The following RMDN2 variants were observed in gnomAD, a reference collection of about 807,000 sequenced individuals.
RMDN2 encodes regulator of microtubule dynamics 2.
Under a neutral mutation model 52.8 loss-of-function variants are expected in RMDN2, and 61 were observed. The observed-to-expected ratio is 1.16, with a 90% CI of 0.94 to 1.43. The LOEUF (loss-of-function observed/expected upper bound fraction) is 1.43. Ranked by LOEUF, RMDN2 falls within the 40% of genes most tolerant of loss-of-function variation. RMDN2 has a pLI of 0.00. For missense variants in RMDN2, 592 were observed against 475.3 expected (o/e 1.25, Z -2.28); for synonymous variants, 180 against 153.1 (o/e 1.18, Z -1.30).
At chr2:37,983,451 C>A (rs1159189534) in intron 5 of RMDN2, among the ~76,000 whole-genome samples, 1 of 152,078 alleles carries the variant, frequency 6.6e-6, no homozygotes, top group East Asian at 1.9e-4. Flanking sequence ...GCATTTAACC[C>A]CAGTATTAAA....
At chr2:38,036,749 AAC>A (rs1680610042) in intron 10 of RMDN2, 1 of 152,290 alleles carries the variant, frequency 6.6e-6, no homozygotes, top group African/African-American at 2.4e-5. Context: ...GTCTGATGAT[AAC>A]ACATACAGAG....
chr2:37,992,824 C>T (rs576389423), intron 7 of RMDN2, among the ~76,000 whole-genome samples: 5 of 152,290 alleles, frequency 3.3e-5, no homozygotes, highest in African/African-American at 9.6e-5. Context: ...TTCAAAAACC[C>T]TATAAGGTTA....
intron 10 of RMDN2, among the ~76,000 whole-genome samples, chr2:38,040,407 T>G (rs191563745): frequency 1.3e-5 from 2 of 152,212 alleles, no homozygotes; most frequent in Non-Finnish European, 1.5e-5. Context: ...GGTTCTACTG[T>G]CATGAATAGG....
At chr2:37,963,924 GGGCGGCGGCCA>G (rs1252960474) in intron 2 of RMDN2, among the ~76,000 whole-genome samples, 1 of 149,164 alleles carries the variant, frequency 6.7e-6, no homozygotes, top group Non-Finnish European at 1.5e-5. Flanking sequence ...CTCCCGGACG[GGGCGGCGGCCA>G]GGCGGAGGTG....
intron 2 of RMDN2, among the ~76,000 whole-genome samples, chr2:37,954,641 C>T (rs925982859): frequency 2.6e-4 from 40 of 152,156 alleles, no homozygotes; most frequent in African/African-American, 8.9e-4. Flanking sequence ...GGTGTGAGAC[C>T]TCCAACTTTG....
At chr2:38,020,073 C>T (rs1415400000), downstream of RMDN2, among the ~76,000 whole-genome samples, 1 of 152,132 alleles carries the variant, frequency 6.6e-6, no homozygotes, top group African/African-American at 2.4e-5. Context: ...GGTCCCCAAC[C>T]TTTTTTGGCA....
At chr2:38,046,816 C>T (rs1460556161) in intron 10 of RMDN2, among the ~76,000 whole-genome samples, 2 of 152,104 alleles carry the variant, frequency 1.3e-5, no homozygotes, top group African/African-American at 4.8e-5. Context: ...AACCCCGTCT[C>T]TACGAAAAAT....
intron 4 of RMDN2, among the ~76,000 whole-genome samples, chr2:37,980,542 G>A (rs1440857470): frequency 6.6e-6 from 1 of 152,140 alleles, no homozygotes; most frequent in Non-Finnish European, 1.5e-5. Flanking sequence ...GACCTCAGGT[G>A]ATCCACCTGC....
intron 2 of RMDN2, chr2:37,951,889 C>A (rs1430815287): frequency 6.2e-7 from 1 of 1,613,196 alleles, no homozygotes; most frequent in Non-Finnish European, 8.5e-7. Context: ...ATTTCCTCTC[C>A]CGATCAACAA....
intron 2 of RMDN2, among the ~76,000 whole-genome samples, chr2:37,963,625 G>T (rs1239937779): frequency 0.06 from 5,443 of 91,100 alleles, no homozygotes; most frequent in Non-Finnish European, 0.069. Context: ...AGAGAGCACA[G>T]GGTTGGGGGC....
chr2:38,014,497 T>G (rs888816930), intron 10 of RMDN2, among the ~76,000 whole-genome samples: 1 of 152,240 alleles, frequency 6.6e-6, no homozygotes, highest in African/African-American at 2.4e-5. Flanking sequence ...TAATTGATGA[T>G]ACAGCATCAG....
intron 7 of RMDN2, 123 bp from the exon 8 acceptor site, chr2:37,997,293 A>G (rs1445578293): frequency 3.0e-6 from 2 of 673,778 alleles, no homozygotes; most frequent in African/African-American, 3.7e-5. Context: ...TTTCATTTGT[A>G]TATGTTATAT....
intron 2 of RMDN2, among the ~76,000 whole-genome samples, chr2:37,931,201 G>C (rs1416075410): frequency 6.6e-6 from 1 of 152,108 alleles, no homozygotes; most frequent in East Asian, 1.9e-4. Flanking sequence ...AAATTATTGA[G>C]AGTCATTGTT....
At chr2:38,006,311 G>A (rs1049106750) in intron 10 of RMDN2, among the ~76,000 whole-genome samples, 69 of 152,204 alleles carry the variant, frequency 4.5e-4, no homozygotes, top group African/African-American at 1.5e-3. Flanking sequence ...CCATTTTCAC[G>A]ATATTGATTC....
chr2:38,037,918 C>T lies in RMDN2; in HGVS notation c.1714-29064C>T, dbSNP rs570725642. ...TGCGTGAGCTGAGTCACATCCAGATCGTTCAGTATGAGAATTTTAAGAGAA... is the reference window on the plus strand; with the variant it reads ...TGCGTGAGCTGAGTCACATCCAGATTGTTCAGTATGAGAATTTTAAGAGAA... On this transcript the variant is annotated intron_variant, in intron 10 of 10. Transcript: ENST00000234195. Among the ~76,000 whole-genome samples, 63 of 152,272 alleles carry T rather than the reference C, an allele frequency of 4.1e-4. 1 individual carries two copies. The highest frequency in any genetic ancestry group is 2.5e-3 in the South Asian group (12 of 4,824).
upstream of RMDN2, among the ~76,000 whole-genome samples, chr2:37,923,774 C>T (rs574348701): frequency 1.3e-5 from 2 of 152,290 alleles, no homozygotes; most frequent in South Asian, 4.1e-4. Flanking sequence ...TTTTTTGAGA[C>T]AGAGTCTCAT....
At chr2:38,062,011 G>A (rs964372552) in intron 10 of RMDN2, among the ~76,000 whole-genome samples, 10 of 152,150 alleles carry the variant, frequency 6.6e-5, no homozygotes, top group African/African-American at 1.9e-4. Context: ...TTGCCATCTC[G>A]TTTCCTTGTC....
At position 37,976,731 on chromosome 2, in the gene RMDN2, A is replaced by C. The variant is rs184744205; in HGVS notation, c.730+1417A>C. The stretch of plus-strand genomic sequence containing the variant: ...ATGTATTAATTTCAACATAAATAAA[A>C]ACTTAACCAAGGAGAACAAGGGGAT... On this transcript the variant is annotated intron_variant, in intron 4 of 10. Transcript: ENST00000354545. Among the ~76,000 whole-genome samples, 290 of 152,314 alleles carry C rather than the reference A, an allele frequency of 1.9e-3. 2 individuals are homozygous for C. Among genetic ancestry groups the C allele is most frequent in the African/African-American group, 6.6e-3 (276 of 41,564 alleles).
intron 8 of RMDN2, among the ~76,000 whole-genome samples, chr2:37,999,955 A>G (rs2125172949): frequency 6.6e-6 from 1 of 152,302 alleles, no homozygotes; most frequent in Non-Finnish European, 1.5e-5. Flanking sequence ...TGGCCATAAT[A>G]ATACCTACTT....
Sources: gnomAD v4.1 joint callset for allele counts (sites outside exome capture counted in the v4.1 genomes callset) on GRCh38, gnomAD v4.1.1 for gene constraint, MANE v1.5 for transcripts, NCBI Gene and HGNC (gene_info 2026-07-23, HGNC 2026-07-21) for gene names.